TRAPPC9: variants seen among roughly 807,000 people sequenced by gnomAD.
TRAPPC9 encodes IKK2 binding protein.
TRAPPC9 carries 83 observed loss-of-function variants against 124.0 expected under a neutral mutation model. That is an observed-to-expected ratio of 0.67 (90% CI 0.56 to 0.80). The LOEUF is 0.80. Ranked by LOEUF, TRAPPC9 falls within the 30% of genes least tolerant of loss-of-function variation. The probability of loss-of-function intolerance (pLI) is 0.00; values close to 1 mark genes in which losing one functional copy is unlikely to be tolerated. For missense variants in TRAPPC9, 1,302 were observed against 1,508.3 expected (o/e 0.86, Z 2.27); for synonymous variants, 638 against 617.5 (o/e 1.03, Z -0.49).
chr8:139,853,387 G>A (rs535617076), intron 21 of TRAPPC9, among the ~76,000 whole-genome samples: 74 of 152,210 alleles, frequency 4.9e-4, no homozygotes, highest in Middle Eastern at 3.4e-3. Flanking sequence ...GTATCCCCGC[G>A]CCCATGGTAC....
At chr8:139,859,309 GC>G (rs1272617515) in intron 21 of TRAPPC9, among the ~76,000 whole-genome samples, 2 of 152,058 alleles carry the variant, frequency 1.3e-5, no homozygotes. Flanking sequence ...TGATCACCAA[GC>G]CCAGCCTGCG....
chr8:139,950,579 T>G (rs942360242), intron 19 of TRAPPC9, among the ~76,000 whole-genome samples: 1 of 152,178 alleles, frequency 6.6e-6, no homozygotes, highest in Non-Finnish European at 1.5e-5. Flanking sequence ...CTGTGAGGCA[T>G]AACAGACATC....
intron 16 of TRAPPC9, among the ~76,000 whole-genome samples, chr8:140,245,292 C>T (rs1288124191): frequency 2.0e-5 from 3 of 152,222 alleles, no homozygotes; most frequent in Non-Finnish European, 4.4e-5. Flanking sequence ...CGTCCTCCCT[C>T]GCCCACAGGG....
At chr8:140,132,322 G>A (rs564487788) in intron 17 of TRAPPC9, among the ~76,000 whole-genome samples, 3 of 152,326 alleles carry the variant, frequency 2.0e-5, no homozygotes, top group East Asian at 3.9e-4. Flanking sequence ...AAAAGGGGCC[G>A]AAACCACGTA....
chr8:140,238,412 C>T (rs546411857), intron 16 of TRAPPC9: 1 of 152,190 alleles, frequency 6.6e-6, no homozygotes, highest in Non-Finnish European at 1.5e-5. Context: ...CCAAAGGAGA[C>T]CCAGCACCAG....
At chr8:139,889,422 C>G (rs771052096) in intron 20 of TRAPPC9, among the ~76,000 whole-genome samples, 3 of 152,154 alleles carry the variant, frequency 2.0e-5, no homozygotes, top group Non-Finnish European at 4.4e-5. Context: ...GGGCCTGAAT[C>G]GCCTGAACTA....
At chr8:139,749,694 A>G (rs769802338) in intron 21 of TRAPPC9, among the ~76,000 whole-genome samples, 10 of 152,220 alleles carry the variant, frequency 6.6e-5, no homozygotes, top group Non-Finnish European at 1.5e-4. Context: ...ATAAAGTCTT[A>G]GAGCACAAAC....
chr8:140,350,691 C>T (rs959953079), intron 9 of TRAPPC9, among the ~76,000 whole-genome samples: 4 of 151,970 alleles, frequency 2.6e-5, no homozygotes, highest in African/African-American at 7.3e-5. Context: ...CGTTCAAGAT[C>T]GCCCAGGAAC....
At position 139,825,483 on chromosome 8, in the gene TRAPPC9, G is replaced by A. The variant is rs1423280029; in HGVS notation, c.3055+60396C>T. ...TGGGCACCAGGGCCAGGTGGGGGCTGCATGGGTCCCATGCCCAACCTCAGA... is the reference window on the plus strand; with the variant it reads ...TGGGCACCAGGGCCAGGTGGGGGCTACATGGGTCCCATGCCCAACCTCAGA... On this transcript the variant is annotated intron_variant, in intron 21 of 22. Transcript: ENST00000438773. The surrounding 1 kb of genome is among the most constrained non-coding windows in gnomAD (Gnocchi z 4.6). 1.3e-5 allele frequency among the ~76,000 whole-genome samples: 2 copies of A among 152,196 alleles called. No homozygotes were observed. Among genetic ancestry groups the A allele is most frequent in the African/African-American group, 4.8e-5 (2 of 41,448 alleles).
At chr8:140,030,764 T>C (rs1840450713) in intron 17 of TRAPPC9, among the ~76,000 whole-genome samples, 1 of 151,826 alleles carries the variant, frequency 6.6e-6, no homozygotes, top group Admixed American at 6.6e-5. Context: ...CACACAAGAG[T>C]GCATACCATT....
intron 17 of TRAPPC9, among the ~76,000 whole-genome samples, chr8:140,125,386 GGGGC>G (rs2061072226): frequency 6.6e-6 from 1 of 152,160 alleles, no homozygotes; most frequent in Non-Finnish European, 1.5e-5. Flanking sequence ...ACACAGAGCA[GGGGC>G]ACGCAGACCA....
upstream of TRAPPC9, chr8:140,457,798 C>T (rs1326323172): frequency 9.7e-6 from 10 of 1,027,960 alleles, no homozygotes; most frequent in Middle Eastern, 4.8e-4. Flanking sequence ...GCCTGGGCCC[C>T]CGATCCGTCC....
chr8:140,215,866 C>T (rs1208500001), intron 17 of TRAPPC9: 2 of 152,214 alleles, frequency 1.3e-5, no homozygotes, highest in Non-Finnish European at 2.9e-5. Context: ...AGTTCCCACG[C>T]TAAAGCCGTG....
chr8:139,854,359 G>T (rs1240500344), intron 21 of TRAPPC9, among the ~76,000 whole-genome samples: 2 of 152,212 alleles, frequency 1.3e-5, no homozygotes, highest in East Asian at 3.9e-4. Context: ...TTTAGTACAG[G>T]AAAGAGGCAG....
At chr8:140,203,804 C>A (rs761194901) in intron 17 of TRAPPC9, among the ~76,000 whole-genome samples, 22 of 152,208 alleles carry the variant, frequency 1.4e-4, no homozygotes, top group Admixed American at 9.8e-4. Flanking sequence ...GAAGAGTCTG[C>A]AGAACTTCCC....
chr8:140,127,404 C>A (rs2061118459), intron 17 of TRAPPC9, among the ~76,000 whole-genome samples: 1 of 152,182 alleles, frequency 6.6e-6, no homozygotes, highest in African/African-American at 2.4e-5. Flanking sequence ...TGATTTTAAT[C>A]ATACATCATA....
intron 4 of TRAPPC9, among the ~76,000 whole-genome samples, chr8:140,431,744 TAGG>T (rs945442477): frequency 1.3e-5 from 2 of 152,154 alleles, no homozygotes; most frequent in Non-Finnish European, 2.9e-5. Flanking sequence ...GAAAGAACTG[TAGG>T]ACTTGCATTC....
At chr8:139,866,092 G>A (rs1471506105) in intron 21 of TRAPPC9, among the ~76,000 whole-genome samples, 1 of 143,610 alleles carries the variant, frequency 7.0e-6, no homozygotes, top group Non-Finnish European at 1.6e-5. Flanking sequence ...CTAAAGACCT[G>A]GGATCAAAGG....
At chr8:140,267,798 C>T (rs1174653369) in intron 15 of TRAPPC9, among the ~76,000 whole-genome samples, 1 of 152,166 alleles carries the variant, frequency 6.6e-6, no homozygotes, top group East Asian at 1.9e-4. Flanking sequence ...TCTCAAGTAG[C>T]TGGGATTACA....
Sources: allele counts gnomAD v4.1 joint callset (sites outside exome capture counted in the v4.1 genomes callset), GRCh38; gene constraint gnomAD v4.1.1; non-coding constraint Gnocchi (gnomAD v3.1); transcripts MANE v1.5; gene names NCBI Gene and HGNC (gene_info 2026-07-23, HGNC 2026-07-21).